The following SLC25A37 variants were observed in gnomAD, a reference collection of about 807,000 sequenced individuals.
SLC25A37 encodes solute carrier family 25 member 37.
Under a neutral mutation model 31.0 loss-of-function variants are expected in SLC25A37, and 17 were observed. That is an observed-to-expected ratio of 0.55 (90% CI 0.38 to 0.82). SLC25A37 has a LOEUF of 0.82. Ranked by LOEUF, SLC25A37 falls within the 40% of genes least tolerant of loss-of-function variation. The pLI is 0.00. For synonymous variants in SLC25A37, 222 were observed against 193.0 expected (o/e 1.15, Z -1.24); for missense variants, 404 against 465.8 (o/e 0.87, Z 1.22).
chr8:23,554,134 C>A (rs1802302859), intron 1 of SLC25A37, among the ~76,000 whole-genome samples: 1 of 152,176 alleles, frequency 6.6e-6, no homozygotes, highest in Non-Finnish European at 1.5e-5. Flanking sequence ...ACTTTGTGAC[C>A]TTGAGGCAAG....
chr8:23,557,106 C>T (rs560909360), intron 1 of SLC25A37, among the ~76,000 whole-genome samples: 2 of 152,320 alleles, frequency 1.3e-5, no homozygotes, highest in Admixed American at 6.5e-5. Flanking sequence ...CCGCCTCGGC[C>T]TCCCAAAGTG....
In SLC25A37 at chr8:23,569,427, A is replaced by ACT. The variant is rs1554500833; in HGVS notation, c.496+1051_496+1052dup. Among the ~76,000 whole-genome samples, 3 of 151,270 alleles carry ACT rather than the reference A, an allele frequency of 2.0e-5. No individual in the cohort carries two copies. The East Asian group carries it at 5.9e-4, about 30-fold the overall frequency. On this transcript the variant is annotated intron_variant, in intron 3 of 3. Transcript: ENST00000519973. The stretch of plus-strand genomic sequence containing the variant: ...TACACACACACACACACACACACAC[A>ACT]CTCACTCTCTTAGCCCTTGTTAACC...
At chr8:23,561,848 C>T (rs551609559) in intron 1 of SLC25A37, among the ~76,000 whole-genome samples, 7 of 152,320 alleles carry the variant, frequency 4.6e-5, no homozygotes, top group East Asian at 3.9e-4. Context: ...AAACATTTCC[C>T]GGGTAACTCT....
intron 1 of SLC25A37, among the ~76,000 whole-genome samples, chr8:23,562,812 C>G (rs748372544): frequency 6.6e-6 from 1 of 152,244 alleles, no homozygotes; most frequent in African/African-American, 2.4e-5. Context: ...GTGATGGCAT[C>G]TGAATTCAGC....
Position 23,571,495 on chromosome 8 carries a change from T to C in SLC25A37, c.657T>C (p.Tyr219=), listed in dbSNP as rs752617329. 1.2e-6 allele frequency: 2 copies of C among 1,614,022 alleles called. No individual in the cohort carries two copies. The highest frequency in any genetic ancestry group is 2.2e-5 in the South Asian group (2 of 91,080). The change falls in exon 4 of 4, where the codon TAT becomes TAC. Residue 219 remains tyrosine (Y), a synonymous_variant. Transcript: ENST00000519973. ...TCCAGTCCATCCACTTCATCACCTATGAGTTCCTGCAGGAGCAGGTCAACC... is the reference window on the plus strand; with the variant it reads ...TCCAGTCCATCCACTTCATCACCTACGAGTTCCTGCAGGAGCAGGTCAACC... ...IPFQSIHFIT[Y]EFLQEQVNPH...
In SLC25A37 at chr8:23,529,021, A is replaced by G; in HGVS notation, c.19A>G (p.Ser7Gly). Residue 7 changes from serine to glycine, a missense_variant, in exon 1 of 4, where the codon AGC becomes GGC. Around this residue, in one of 3 missense-constraint regions of SLC25A37, gnomAD observed 154 missense variants for 153.6 expected, o/e 1.00. Coordinates refer to ENST00000519973, the MANE Select transcript of SLC25A37 (RefSeq NM_016612.4). This position sits in a 1 kb window ranked among gnomAD's most constrained non-coding sequence, Gnocchi z 4.1. Reference protein sequence around the residue: MELRSGSVGSQAVARRM... With the variant: MELRSGGVGSQAVARRM... ...CTGGCGGATGGAGCTGCGCAGCGGGAGCGTGGGCAGCCAGGCGGTGGCGCG... is the reference window on the plus strand; with the variant it reads ...CTGGCGGATGGAGCTGCGCAGCGGGGGCGTGGGCAGCCAGGCGGTGGCGCG... 6.5e-7 allele frequency: 1 copy of G among 1,536,404 alleles called. No individual in the cohort carries two copies. Among genetic ancestry groups the G allele is most frequent in the South Asian group, 1.2e-5 (1 of 82,362 alleles).
At chr8:23,557,269 G>A (rs906961708) in intron 1 of SLC25A37, among the ~76,000 whole-genome samples, 3 of 152,208 alleles carry the variant, frequency 2.0e-5, no homozygotes, top group Non-Finnish European at 2.9e-5. Flanking sequence ...AGTGAGGAAG[G>A]CTGGTGGTTT....
rs1802845166 is a variant in SLC25A37 at position 23,571,640 on chromosome 8, G to T, written c.802G>T (p.Val268Leu). The T allele has an allele frequency of 6.2e-7, 1 of 1,613,820 alleles. No homozygotes were observed. Among genetic ancestry groups the T allele is most frequent in the Admixed American group, 1.7e-5 (1 of 59,998 alleles). Residue 268 changes from valine (V) to leucine (L), a missense_variant, in exon 4 of 4, where the codon GTG (valine) becomes TTG (leucine). Transcript: ENST00000519973. ...CKTLLNTQEN[V>L]ALSLANISGR... ...GACCCTTCTGAACACTCAGGAGAAC[G>T]TGGCCCTCTCGCTGGCCAACATCAG...
At chr8:23,534,106 G>A (rs1211417488) in intron 1 of SLC25A37, among the ~76,000 whole-genome samples, 1 of 152,036 alleles carries the variant, frequency 6.6e-6, no homozygotes, top group Non-Finnish European at 1.5e-5. Flanking sequence ...ATGCCACCAT[G>A]CCTGGCTAAT....
At chr8:23,560,045 G>A (rs559772577) in intron 1 of SLC25A37, among the ~76,000 whole-genome samples, 1 of 152,296 alleles carries the variant, frequency 6.6e-6, no homozygotes, top group South Asian at 2.1e-4. Context: ...GGGAGGCACA[G>A]ATAGGAGCAT....
intron 1 of SLC25A37, among the ~76,000 whole-genome samples, chr8:23,563,580 C>T (rs1179831967): frequency 6.6e-6 from 1 of 152,206 alleles, no homozygotes; most frequent in Non-Finnish European, 1.5e-5. Context: ...GGGCTACCCT[C>T]CCTGGGACCC....
At chr8:23,568,507 AG>A in intron 3 of SLC25A37, 129 bp downstream of exon 3, 2 of 1,029,542 alleles carry the variant, frequency 1.9e-6, no homozygotes, top group Admixed American at 3.9e-5. Context: ...AGCAGACAGG[AG>A]AATTGAATTT....
intron 1 of SLC25A37, among the ~76,000 whole-genome samples, chr8:23,556,020 CA>C (rs1001353016): frequency 6.6e-6 from 1 of 152,110 alleles, no homozygotes; most frequent in Non-Finnish European, 1.5e-5. Flanking sequence ...TTGCTTGTTC[CA>C]AAATGGTAGT....
chr8:23,543,503 T>C (rs28783195), intron 1 of SLC25A37, among the ~76,000 whole-genome samples: 56,984 of 152,054 alleles, frequency 0.37, 12,357 homozygotes, highest in East Asian at 0.62. Context: ...ACCACTCACT[T>C]AAACTCACCC....
At chr8:23,534,727 AAAG>A (rs1437741904) in intron 1 of SLC25A37, among the ~76,000 whole-genome samples, 1 of 152,146 alleles carries the variant, frequency 6.6e-6, no homozygotes, top group Non-Finnish European at 1.5e-5. Flanking sequence ...CTATCTGTAA[AAAG>A]AAGAAGAGAT....
intron 1 of SLC25A37, among the ~76,000 whole-genome samples, chr8:23,559,906 T>G (rs1563263020): frequency 6.6e-6 from 1 of 152,250 alleles, no homozygotes; most frequent in Non-Finnish European, 1.5e-5. Context: ...CATCTGGTGA[T>G]GGACACTTGA....
intron 1 of SLC25A37, among the ~76,000 whole-genome samples, chr8:23,534,145 G>A (rs2117382475): frequency 6.6e-6 from 1 of 152,058 alleles, no homozygotes; most frequent in African/African-American, 2.4e-5. Context: ...AGAGATGGGG[G>A]CCTCAATTTG....
At position 23,572,203 on chromosome 8, in the gene SLC25A37, T is replaced by TAAAAAAAAAAAAAAAAAAAAA. The variant is rs540950017; in HGVS notation, c.*373_*393dup. The stretch of plus-strand genomic sequence containing the variant: ...GAAAATTTGCAGTGACTGAAAACAG[T>TAAAAAAAAAAAAAAAAAAAAA]AAAAAAAAAAAAAAAAAAAAAAAAA... On this transcript the variant is annotated 3_prime_UTR_variant, in exon 4 of 4. Coordinates refer to ENST00000519973, the MANE Select transcript of SLC25A37 (RefSeq NM_016612.4). 2.3e-5 allele frequency: 2 copies of TAAAAAAAAAAAAAAAAAAAAA among 85,756 alleles called. No individual in the cohort carries two copies. Among genetic ancestry groups the TAAAAAAAAAAAAAAAAAAAAA allele is most frequent in the Admixed American group, 1.2e-4 (1 of 8,510 alleles). 5.3% of individuals were successfully genotyped at this position (85,756 alleles called of 1,614,324 possible).
intron 3 of SLC25A37, among the ~76,000 whole-genome samples, chr8:23,570,476 C>T (rs1802794153): frequency 6.6e-6 from 1 of 151,994 alleles, no homozygotes; most frequent in Admixed American, 6.6e-5. Context: ...CTAAAAATGC[C>T]CAAATAAACA....
Sources: allele counts gnomAD v4.1 joint callset (sites outside exome capture counted in the v4.1 genomes callset), GRCh38; gene constraint gnomAD v4.1.1; regional missense constraint gnomAD v4.1.1; non-coding constraint Gnocchi (gnomAD v3.1); transcripts MANE v1.5; gene names NCBI Gene and HGNC (gene_info 2026-07-23, HGNC 2026-07-21).